SINHCAF: variants seen among roughly 807,000 people sequenced by gnomAD.
SINHCAF encodes SIN3-HDAC complex-associated factor.
Under a neutral mutation model 25.8 loss-of-function variants are expected in SINHCAF, and 3 were observed. The observed-to-expected ratio is 0.12, with a 90% CI of 0.05 to 0.30. The LOEUF (loss-of-function observed/expected upper bound fraction) is 0.30, where lower values mean the gene tolerates loss of function less well. Among genes scored for constraint, SINHCAF ranks in the 10% least tolerant of loss-of-function variants. The pLI is 1.00. For missense variants in SINHCAF, 121 were observed against 262.3 expected (o/e 0.46, Z 3.72); for synonymous variants, 70 against 85.5 (o/e 0.82, Z 1.00).
Position 31,325,283 on chromosome 12 carries a change from G to A in SINHCAF, c.-21+741C>T, listed in dbSNP as rs535339547. The A allele has an allele frequency of 6.3e-4, 289 of 456,212 alleles. No homozygotes were observed. The highest frequency in any genetic ancestry group is 4.3e-3 in the South Asian group (280 of 64,520). 28.3% of individuals were successfully genotyped at this position (456,212 alleles called of 1,614,324 possible). A position where few individuals can be genotyped will look rare whatever the true frequency, so the allele number is the denominator to read the frequency against. On this transcript the variant is annotated intron_variant, in intron 1 of 5. Transcript: ENST00000337682. The surrounding 1 kb of genome is among the most constrained non-coding windows in gnomAD (Gnocchi z 5.9). ...CGGACACCAGAGGCTCTTGGGCGCG[G>A]TCCGAAGAGGGCAGGCGAGTGGAAG...
At chr12:31,314,082 A>C (rs938026307) in intron 1 of SINHCAF, among the ~76,000 whole-genome samples, 1 of 152,132 alleles carries the variant, frequency 6.6e-6, no homozygotes, top group Non-Finnish European at 1.5e-5. Context: ...GTCACTTCTG[A>C]ACAAGAGGTT....
At position 31,324,210 on chromosome 12, in the gene SINHCAF, C is replaced by A. The variant is rs1399647590; in HGVS notation, c.-21+1814G>T. 1 of 204,648 alleles carries A rather than the reference C, an allele frequency of 4.9e-6. No individual in the cohort carries two copies. The highest frequency in any genetic ancestry group is 8.0e-5 in the South Asian group (1 of 12,440). 12.7% of individuals were successfully genotyped at this position (204,648 alleles called of 1,614,324 possible). A position where few individuals can be genotyped will look rare whatever the true frequency, so the allele number is the denominator to read the frequency against. ...GGCGCCTCCCGCAGGCCGCGCCTCCCGCACGCCGCGCTGCCGGGGCTTGTT... is the reference window on the plus strand; with the variant it reads ...GGCGCCTCCCGCAGGCCGCGCCTCCAGCACGCCGCGCTGCCGGGGCTTGTT... On this transcript the variant is annotated intron_variant, in intron 1 of 5. Coordinates refer to ENST00000337682, the MANE Select transcript of SINHCAF (RefSeq NM_001135812.2). The surrounding 1 kb of genome is among the most constrained non-coding windows in gnomAD (Gnocchi z 5.5).
chr12:31,303,114 A>G lies in SINHCAF; in HGVS notation c.-20-4890T>C, dbSNP rs1034399995. 9 of 985,350 alleles carry G rather than the reference A, an allele frequency of 9.1e-6. No individual in the cohort carries two copies. The African/African-American group carries it at 1.4e-4, about 15-fold the overall frequency. 61.0% of individuals were successfully genotyped at this position (985,350 alleles called of 1,614,324 possible). ...GAGGGGTTACAGTTAAAACATGCCTATTTATGGGAGGTTCTAACACTGATC... is the reference window on the plus strand; with the variant it reads ...GAGGGGTTACAGTTAAAACATGCCTGTTTATGGGAGGTTCTAACACTGATC... On this transcript the variant is annotated intron_variant, in intron 1 of 5. Transcript: ENST00000337682.
chr12:31,281,592 T>C lies in SINHCAF; in HGVS notation c.*1120A>G, dbSNP rs1413422037. The C allele has an allele frequency of 1.3e-5, 2 of 152,204 alleles. No individual in the cohort carries two copies. The highest frequency in any genetic ancestry group is 2.4e-5 in the African/African-American group (1 of 41,462). 9.4% of individuals were successfully genotyped at this position (152,204 alleles called of 1,614,324 possible). On this transcript the variant is annotated 3_prime_UTR_variant, in exon 6 of 6. Coordinates refer to ENST00000337682, the MANE Select transcript of SINHCAF (RefSeq NM_001135812.2). ...CACTCAGCAAGCCCTCTAAGAAATG[T>C]GCCCCAAGAAGCATTAACCTTTGTT... is the stretch of plus-strand genomic sequence containing the variant.
At chr12:31,319,584 A>C (rs1209999799) in intron 1 of SINHCAF, among the ~76,000 whole-genome samples, 2 of 152,218 alleles carry the variant, frequency 1.3e-5, no homozygotes, top group African/African-American at 4.8e-5. Flanking sequence ...CATCAACACA[A>C]CATCAACACA....
At chr12:31,290,164 GT>G (rs1224135967) in intron 4 of SINHCAF, among the ~76,000 whole-genome samples, 1 of 146,204 alleles carries the variant, frequency 6.8e-6, no homozygotes, top group Non-Finnish European at 1.5e-5. Flanking sequence ...TTGTTTGTTT[GT>G]TTAAAACAGA....
chr12:31,280,987 G>GT lies in SINHCAF; in HGVS notation c.*1724dup, dbSNP rs2137060451. 1 of 152,212 alleles carries GT rather than the reference G, an allele frequency of 6.6e-6. No homozygotes were observed. The highest frequency in any genetic ancestry group is 6.5e-5 in the Admixed American group (1 of 15,284). 9.4% of individuals were successfully genotyped at this position (152,212 alleles called of 1,614,324 possible). A position where few individuals can be genotyped will look rare whatever the true frequency, so the allele number is the denominator to read the frequency against. The stretch of plus-strand genomic sequence containing the variant: ...GCATATGGTGGCTTGTAGCATGTAG[G>GT]TTTTTTCCAAAAGAAGGAAATATAA... On this transcript the variant is annotated 3_prime_UTR_variant, in exon 6 of 6. Coordinates refer to ENST00000337682, the MANE Select transcript of SINHCAF (RefSeq NM_001135812.2).
intron 4 of SINHCAF, among the ~76,000 whole-genome samples, chr12:31,288,691 C>T (rs1938180143): frequency 6.6e-6 from 1 of 152,094 alleles, no homozygotes; most frequent in Non-Finnish European, 1.5e-5. Context: ...GTCAAAAAAG[C>T]CAGTTAAAAT....
chr12:31,318,336 T>A (rs1005279631), intron 1 of SINHCAF, among the ~76,000 whole-genome samples: 2 of 152,230 alleles, frequency 1.3e-5, no homozygotes, highest in Admixed American at 1.3e-4. Flanking sequence ...TTTAGCTAAC[T>A]TTAAGGGATA....
At chr12:31,296,970 G>C (rs1006697487) in intron 2 of SINHCAF, 5 of 433,526 alleles carry the variant, frequency 1.2e-5, no homozygotes, top group Non-Finnish European at 2.3e-5. Context: ...AAAAGTTCAA[G>C]GCTGTGGTGC....
chr12:31,291,536 G>A (rs1938317550), intron 4 of SINHCAF, among the ~76,000 whole-genome samples: 1 of 152,206 alleles, frequency 6.6e-6, no homozygotes, highest in African/African-American at 2.4e-5. Context: ...GGCCAAGGAG[G>A]GCAGATCACC....
intron 5 of SINHCAF, among the ~76,000 whole-genome samples, chr12:31,286,657 C>T (rs575733476): frequency 2.5e-4 from 35 of 142,212 alleles, no homozygotes; most frequent in African/African-American, 8.5e-4. Context: ...AGCAAAACTC[C>T]GTCTCAAAAA....
chr12:31,295,000 G>T (rs188536249), intron 3 of SINHCAF, among the ~76,000 whole-genome samples: 4 of 152,244 alleles, frequency 2.6e-5, no homozygotes, highest in African/African-American at 9.6e-5. Flanking sequence ...TGCTTACTGT[G>T]AATCTCCAGA....
intron 2 of SINHCAF, among the ~76,000 whole-genome samples, chr12:31,295,684 AC>A (rs1938518136): frequency 6.6e-6 from 1 of 152,084 alleles, no homozygotes; most frequent in African/African-American, 2.4e-5. Context: ...AGCCTGGCCA[AC>A]ATGACAAAAT....
chr12:31,295,408 G>T, intron 2 of SINHCAF, 75 bp from the exon 3 acceptor site: 1 of 945,192 alleles, frequency 1.1e-6, no homozygotes, highest in Non-Finnish European at 1.7e-6. Flanking sequence ...TTCTTTTGGG[G>T]AAAAAACTGT....
At chr12:31,284,001 AAC>A (rs1276220875) in intron 5 of SINHCAF, among the ~76,000 whole-genome samples, 2 of 152,192 alleles carry the variant, frequency 1.3e-5, no homozygotes, top group African/African-American at 2.4e-5. Flanking sequence ...GTGAATATAT[AAC>A]ACAGTTTTAT....
At chr12:31,308,706 C>T (rs1219368356) in intron 1 of SINHCAF, among the ~76,000 whole-genome samples, 2 of 152,174 alleles carry the variant, frequency 1.3e-5, no homozygotes, top group East Asian at 1.9e-4. Context: ...GTAAGTGGGG[C>T]GCTGTATATC....
At chr12:31,314,801 T>TG (rs1939434369) in intron 1 of SINHCAF, among the ~76,000 whole-genome samples, 1 of 152,228 alleles carries the variant, frequency 6.6e-6, no homozygotes, top group Non-Finnish European at 1.5e-5. Context: ...TCAAAGGATC[T>TG]GCATTTAGGC....
intron 5 of SINHCAF, among the ~76,000 whole-genome samples, chr12:31,284,017 T>C (rs1274868115): frequency 6.6e-6 from 1 of 152,214 alleles, no homozygotes; most frequent in African/African-American, 2.4e-5. Flanking sequence ...GTTTTATTTA[T>C]CTACTCTTAT....
Sources: gnomAD v4.1 joint callset for allele counts (sites outside exome capture counted in the v4.1 genomes callset) on GRCh38, gnomAD v4.1.1 for gene constraint, Gnocchi (gnomAD v3.1) non-coding constraint, MANE v1.5 for transcripts, NCBI Gene and HGNC (gene_info 2026-07-23, HGNC 2026-07-21) for gene names.